CXADR: variants seen among roughly 807,000 people sequenced by gnomAD.
CXADR encodes CXADR cell adhesion molecule.
CXADR carries 20 observed loss-of-function variants against 40.3 expected under a neutral mutation model. The observed-to-expected ratio is 0.50, with a 90% CI of 0.35 to 0.72. The LOEUF is 0.72. Among genes scored for constraint, CXADR ranks in the 30% least tolerant of loss-of-function variants. The probability of loss-of-function intolerance (pLI) is 0.01; values close to 1 mark genes in which losing one functional copy is unlikely to be tolerated. For synonymous variants in CXADR, 150 were observed against 161.3 expected, an observed-to-expected ratio of 0.93 and a Z score of 0.53; for missense variants, 332 against 449.1, an observed-to-expected ratio of 0.74 and a Z score of 2.36.
intron 1 of CXADR, among the ~76,000 whole-genome samples, chr21:17,528,112 C>T (rs1381078588): frequency 8.1e-6 from 1 of 123,698 alleles, no homozygotes; most frequent in Non-Finnish European, 1.6e-5. Flanking sequence ...CTGGCTCTGT[C>T]GCCCAGGCCG....
intron 7 of CXADR, among the ~76,000 whole-genome samples, chr21:17,575,267 C>G (rs1423249923): frequency 6.6e-6 from 1 of 152,040 alleles, no homozygotes; most frequent in African/African-American, 2.4e-5. Flanking sequence ...TCACTGCAGC[C>G]TCGATCTTCT....
chr21:17,594,355 A>G (rs537124505), downstream of CXADR: 5 of 1,594,356 alleles, frequency 3.1e-6, no homozygotes, highest in African/African-American at 5.4e-5. Flanking sequence ...GAACACATTA[A>G]GTTAATTCAA....
intron 6 of CXADR, among the ~76,000 whole-genome samples, chr21:17,563,940 CAAAA>C (rs35020228): frequency 2.7e-4 from 10 of 37,220 alleles, no homozygotes; most frequent in Non-Finnish European, 5.1e-4. Flanking sequence ...GACTCTGTCT[CAAAA>C]AAAAAAAAAA....
chr21:17,549,159 A>C (rs1334295389), intron 2 of CXADR, among the ~76,000 whole-genome samples: 1 of 152,220 alleles, frequency 6.6e-6, no homozygotes, highest in African/African-American at 2.4e-5. Context: ...TTAAGCCTTA[A>C]AACAACATAG....
chr21:17,583,517 C>T (rs1266328527), intron 7 of CXADR, among the ~76,000 whole-genome samples: 1 of 152,120 alleles, frequency 6.6e-6, no homozygotes, highest in Non-Finnish European at 1.5e-5. Context: ...AACTGTTGTA[C>T]ATCATCCATT....
At chr21:17,574,682 G>T (rs1026420860), downstream of CXADR, among the ~76,000 whole-genome samples, 2 of 152,154 alleles carry the variant, frequency 1.3e-5, no homozygotes, top group African/African-American at 4.8e-5. Context: ...AGGAATAGAT[G>T]AAGTCATCAT....
In CXADR at chr21:17,560,779, A is replaced by C; in HGVS notation, c.649A>C (p.Arg217=). 6.2e-7 allele frequency: 1 copy of C among 1,614,040 alleles called. No individual in the cohort carries two copies. The highest frequency in any genetic ancestry group is 1.3e-5 in the African/African-American group (1 of 75,054). The change falls in exon 5 of 7, where the codon AGA becomes CGA. Residue 217 remains arginine (R), a synonymous_variant. Coordinates refer to ENST00000284878, the MANE Select transcript of CXADR (RefSeq NM_001338.5). The part of the protein sequence containing the change: ...SGTYSCTVRN[R]VGSDQCLLRL... Reference sequence around the variant, plus strand: ...GACATACAGCTGTACAGTCAGAAACAGAGTGGGCTCTGATCAGTGCCTGTT... The same window carrying C: ...GACATACAGCTGTACAGTCAGAAACCGAGTGGGCTCTGATCAGTGCCTGTT...
intron 7 of CXADR, among the ~76,000 whole-genome samples, chr21:17,589,112 C>G (rs990022478): frequency 5.9e-5 from 9 of 151,844 alleles, no homozygotes; most frequent in Admixed American, 5.3e-4. Flanking sequence ...TTTCTCCCAC[C>G]AAATACTATA....
At chr21:17,520,461 C>G (rs1275539517) in intron 1 of CXADR, among the ~76,000 whole-genome samples, 1 of 152,068 alleles carries the variant, frequency 6.6e-6, no homozygotes, top group Non-Finnish European at 1.5e-5. Flanking sequence ...CTGCTGACCA[C>G]GTTTTGTGTG....
intron 1 of CXADR, among the ~76,000 whole-genome samples, chr21:17,544,412 A>G (rs1241138738): frequency 2.0e-5 from 3 of 152,236 alleles, no homozygotes; most frequent in African/African-American, 4.8e-5. Context: ...TTGCTGTATA[A>G]CAAAACAACT....
downstream of CXADR, among the ~76,000 whole-genome samples, chr21:17,571,751 C>G (rs995835280): frequency 2.0e-5 from 3 of 152,166 alleles, no homozygotes; most frequent in Non-Finnish European, 4.4e-5. Flanking sequence ...AGTTGCTACT[C>G]TAAGGTAACT....
chr21:17,584,517 C>T lies in CXADR; in HGVS notation c.1018-8635C>T, dbSNP rs79976631. On this transcript the variant is annotated intron_variant, in intron 7 of 7. Transcript: ENST00000400169. ...ACATCTTACTATTATTAAGGTCTTG[C>T]GATTCTGAAAGTTTTAAAAAGTCCT... Among the ~76,000 whole-genome samples, 233 of 152,208 alleles carry T rather than the reference C, an allele frequency of 1.5e-3. 1 individual carries two copies. The highest frequency in any genetic ancestry group is 5.4e-3 in the African/African-American group (224 of 41,532).
chr21:17,596,487 T>C (rs1569173166), downstream of CXADR, among the ~76,000 whole-genome samples: 1 of 152,030 alleles, frequency 6.6e-6, no homozygotes, highest in Non-Finnish European at 1.5e-5. Context: ...CTAAGTTAGG[T>C]TCGTTTTTTT....
chr21:17,612,389 T>C, the CXADR span: 2 of 152,234 alleles, frequency 1.3e-5, no homozygotes, highest in African/African-American at 4.8e-5. Context: ...GCCGCGGGGT[T>C]GTCGCCCACC....
Position 17,565,793 on chromosome 21 carries a change from T to A in CXADR, c.*101T>A. 4 of 1,475,934 alleles carry A rather than the reference T, an allele frequency of 2.7e-6. No homozygotes were observed. The highest frequency in any genetic ancestry group is 3.6e-6 in the Non-Finnish European group (4 of 1,115,818). 91.4% of individuals were successfully genotyped at this position (1,475,934 alleles called of 1,614,324 possible). On this transcript the variant is annotated 3_prime_UTR_variant, in exon 7 of 7. Transcript: ENST00000284878. ...ATTGTGTTACTAGCCTCAAAATACA[T>A]CAAAAAATAAGTTAATCAGGAACTG...
the CXADR span, among the ~76,000 whole-genome samples, chr21:17,600,078 A>AT: frequency 0.038 from 5,735 of 152,216 alleles, 325 homozygotes; most frequent in African/African-American, 0.13. Context: ...CTTCCAAAAC[A>AT]TTTTTGAAGA....
chr21:17,605,299 C>A, the CXADR span, among the ~76,000 whole-genome samples: 5 of 152,020 alleles, frequency 3.3e-5, no homozygotes, highest in African/African-American at 9.7e-5. Context: ...GAAAGTTGCA[C>A]GAAATTTTAG....
At chr21:17,562,757 A>T (rs117667293) in intron 6 of CXADR, among the ~76,000 whole-genome samples, 1 of 152,234 alleles carries the variant, frequency 6.6e-6, no homozygotes, top group African/African-American at 2.4e-5. Context: ...TAGCTTCTTC[A>T]TCAGCACTTT....
the CXADR span, among the ~76,000 whole-genome samples, chr21:17,620,821 A>G: frequency 6.6e-6 from 1 of 152,098 alleles, no homozygotes; most frequent in African/African-American, 2.4e-5. Context: ...ATTTTAAAAG[A>G]AAAAAGACAG....
Sources: gnomAD v4.1 joint callset for allele counts (sites outside exome capture counted in the v4.1 genomes callset) on GRCh38, gnomAD v4.1.1 for gene constraint, MANE v1.5 for transcripts, NCBI Gene and HGNC (gene_info 2026-07-23, HGNC 2026-07-21) for gene names.